The following FAM163A variants were observed in gnomAD, a reference collection of about 807,000 sequenced individuals.
FAM163A encodes protein FAM163A.
FAM163A carries 7 observed loss-of-function variants against 12.0 expected under a neutral mutation model. The ratio of observed to expected loss-of-function variants is 0.58; its 90% CI spans 0.33 to 1.10. The LOEUF is 1.10. Ranked by LOEUF, FAM163A falls within the 50% of genes least tolerant of loss-of-function variation. The pLI, the probability that FAM163A is intolerant of heterozygous loss-of-function variation, is 0.03. For synonymous variants in FAM163A, 101 were observed against 91.0 expected (o/e 1.11, Z -0.62); for missense variants, 202 against 218.6 (o/e 0.92, Z 0.48).
chr1:179,728,006 G>A, the FAM163A span, among the ~76,000 whole-genome samples: 1 of 152,164 alleles, frequency 6.6e-6, no homozygotes, highest in Non-Finnish European at 1.5e-5. Context: ...AATGGGAAAT[G>A]AGATGATGTT....
intron 1 of FAM163A, among the ~76,000 whole-genome samples, chr1:179,781,442 C>A (rs1557936615): frequency 6.6e-6 from 1 of 151,988 alleles, no homozygotes; most frequent in Non-Finnish European, 1.5e-5. Context: ...TCACAGAGTT[C>A]TCGGTTGGTT....
At chr1:179,813,720 A>G in intron 4 of FAM163A, 59 bp from the exon 5 acceptor site, 2 of 1,597,028 alleles carry the variant, frequency 1.3e-6, no homozygotes, top group Admixed American at 3.4e-5. Context: ...CACGCTCAAA[A>G]ATGCATGGGG....
intron 1 of FAM163A, among the ~76,000 whole-genome samples, chr1:179,785,409 C>A (rs945496386): frequency 6.6e-6 from 1 of 152,306 alleles, no homozygotes; most frequent in East Asian, 1.9e-4. Context: ...AATGAGAGAA[C>A]ATGAAGACGG....
chr1:179,805,718 C>T (rs1319314463), intron 1 of FAM163A, among the ~76,000 whole-genome samples: 2 of 152,320 alleles, frequency 1.3e-5, no homozygotes, highest in East Asian at 3.9e-4. Context: ...CCCTACCACC[C>T]GCCCAGGAGC....
chr1:179,786,473 C>T (rs1434865402), intron 1 of FAM163A, among the ~76,000 whole-genome samples: 1 of 152,224 alleles, frequency 6.6e-6, no homozygotes, highest in Non-Finnish European at 1.5e-5. Flanking sequence ...GACCTAGGAG[C>T]AGAGCTGGGC....
intron 1 of FAM163A, among the ~76,000 whole-genome samples, chr1:179,782,519 GCC>G (rs35753374): frequency 0.2 from 29,737 of 151,748 alleles, 3,733 homozygotes; most frequent in Non-Finnish European, 0.27. Context: ...GGTAAGGCTG[GCC>G]TGGTGGGCTT....
In FAM163A at chr1:179,813,008, A is replaced by G; in HGVS notation, c.-22-68A>G. On this transcript the variant is annotated intron_variant, in intron 3 of 4. Transcript: ENST00000341785. ...CCCCAGCCTCGGGGCAGTTCCAGGA[A>G]GACTCCCCCCGGCCCAGCCCAGGGC... is the stretch of plus-strand genomic sequence containing the variant. 2.8e-6 allele frequency: 4 copies of G among 1,442,090 alleles called. No homozygotes were observed. In the South Asian group the frequency reaches 5.0e-5, roughly 18 times the overall value. The allele number at this position is 1,442,090 out of a possible 1,614,324, so 89.3% of individuals were successfully genotyped here.
intron 1 of FAM163A, among the ~76,000 whole-genome samples, chr1:179,775,270 T>C (rs1022726109): frequency 6.6e-6 from 1 of 152,258 alleles, no homozygotes; most frequent in South Asian, 2.1e-4. Context: ...AAACATCCAA[T>C]TGGTTGCAAA....
chr1:179,782,395 G>A (rs778187397), intron 1 of FAM163A, among the ~76,000 whole-genome samples: 4 of 152,008 alleles, frequency 2.6e-5, no homozygotes, highest in East Asian at 1.9e-4. Context: ...AGGGCCGGTC[G>A]GCAGGGACAC....
At chr1:179,810,481 C>T (rs769994349) in intron 2 of FAM163A, among the ~76,000 whole-genome samples, 3 of 152,224 alleles carry the variant, frequency 2.0e-5, no homozygotes, top group African/African-American at 7.2e-5. Flanking sequence ...GTCCCAGCCT[C>T]GCCAGATCCC....
At chr1:179,794,480 T>C (rs903265299) in intron 1 of FAM163A, among the ~76,000 whole-genome samples, 6 of 152,214 alleles carry the variant, frequency 3.9e-5, no homozygotes, top group African/African-American at 1.4e-4. Context: ...ATCTGGATTT[T>C]AAACTAGCAT....
chr1:179,791,738 C>T (rs1691535253), intron 1 of FAM163A, among the ~76,000 whole-genome samples: 1 of 152,160 alleles, frequency 6.6e-6, no homozygotes, highest in African/African-American at 2.4e-5. Context: ...TTGCCCTCAC[C>T]CCTACAAATG....
intron 4 of FAM163A, 50 bp from the exon 5 acceptor site, chr1:179,813,729 G>A (rs1435546647): frequency 5.6e-6 from 9 of 1,604,336 alleles, no homozygotes; most frequent in Non-Finnish European, 7.7e-6. Context: ...AAATGCATGG[G>A]GCGGGGGGAG....
At chr1:179,803,372 T>C (rs1693453725) in intron 1 of FAM163A, among the ~76,000 whole-genome samples, 1 of 152,118 alleles carries the variant, frequency 6.6e-6, no homozygotes, top group African/African-American at 2.4e-5. Context: ...CTGCCAGCAT[T>C]CATCCAGGCA....
At chr1:179,738,581 C>T (rs1683265931), upstream of FAM163A, among the ~76,000 whole-genome samples, 1 of 152,048 alleles carries the variant, frequency 6.6e-6, no homozygotes. Flanking sequence ...TCAATGCAAT[C>T]CACCATATTA....
the FAM163A span, among the ~76,000 whole-genome samples, chr1:179,731,952 T>C: frequency 6.6e-6 from 1 of 152,226 alleles, no homozygotes; most frequent in East Asian, 1.9e-4. Context: ...CAGCCAGCTA[T>C]ATACTCTATC....
chr1:179,743,755 G>C (rs991709817), intron 1 of FAM163A, among the ~76,000 whole-genome samples: 1 of 152,262 alleles, frequency 6.6e-6, no homozygotes, highest in African/African-American at 2.4e-5. Context: ...TCGCGCCTCG[G>C]GGCCGGACTT....
intron 1 of FAM163A, among the ~76,000 whole-genome samples, chr1:179,789,818 G>C (rs1691190329): frequency 6.6e-6 from 1 of 152,198 alleles, no homozygotes; most frequent in Non-Finnish European, 1.5e-5. Context: ...GGTACAAACT[G>C]AATTTGGAAC....
intron 4 of FAM163A, among the ~76,000 whole-genome samples, chr1:179,813,427 GT>G (rs1694973843): frequency 6.6e-6 from 1 of 152,196 alleles, no homozygotes. Flanking sequence ...GGGTCATTGG[GT>G]TGTGTCTCCT....
Sources: gnomAD v4.1 joint callset for allele counts (sites outside exome capture counted in the v4.1 genomes callset) on GRCh38, gnomAD v4.1.1 for gene constraint, MANE v1.5 for transcripts, NCBI Gene and HGNC (gene_info 2026-07-23, HGNC 2026-07-21) for gene names.